FTO: variants seen among roughly 807,000 people sequenced by gnomAD.
FTO encodes the protein alpha-ketoglutarate-dependent dioxygenase FTO.
A neutral mutation model predicts 63.9 loss-of-function variants in FTO; 47 were observed. The ratio of observed to expected loss-of-function variants is 0.74; its 90% CI spans 0.58 to 0.94. The LOEUF (loss-of-function observed/expected upper bound fraction) is 0.94. Among genes scored for constraint, FTO ranks in the 40% least tolerant of loss-of-function variants. The pLI is 0.00. For missense variants in FTO, 562 were observed against 618.1 expected, an observed-to-expected ratio of 0.91 and a Z score of 0.96; for synonymous variants, 207 against 224.4, an observed-to-expected ratio of 0.92 and a Z score of 0.69.
intron 1 of FTO, among the ~76,000 whole-genome samples, chr16:53,791,373 A>G (rs545701181): frequency 7.9e-5 from 12 of 152,186 alleles, no homozygotes; most frequent in Non-Finnish European, 1.6e-4. Flanking sequence ...CTTCATCATT[A>G]TTTTAGGCTG....
In FTO at chr16:53,772,746, G is replaced by A. The variant is rs150234876; in HGVS notation, c.46-37394G>A. 2.6e-5 allele frequency among the ~76,000 whole-genome samples: 4 copies of A among 152,182 alleles called. No individual in the cohort carries two copies. The East Asian group carries it at 7.7e-4, about 29-fold the overall frequency. On this transcript the variant is annotated intron_variant, in intron 1 of 8. Transcript: ENST00000471389. ...ATGCTACATTAGAAATCATCAGCTT[G>A]GAAGCAGTCTCCATGGGAAAAGTAA...
At chr16:53,888,030 A>T (rs2081046650) in intron 6 of FTO, 1 of 152,104 alleles carries the variant, frequency 6.6e-6, no homozygotes, top group African/African-American at 2.4e-5. Flanking sequence ...ATAAAAACGT[A>T]TTCAGTTTAT....
At position 54,120,996 on chromosome 16, in the gene FTO, G is replaced by A. The variant is rs1417745386; in HGVS notation, c.*9081G>A. 6.6e-6 allele frequency: 1 copy of A among 152,502 alleles called. No individual in the cohort carries two copies. The highest frequency in any genetic ancestry group is 1.5e-5 in the Non-Finnish European group (1 of 68,054). The allele number at this position is 152,502 out of a possible 1,614,324, so 9.4% of individuals were successfully genotyped here. On this transcript the variant is annotated 3_prime_UTR_variant, in exon 9 of 9. Coordinates refer to ENST00000471389, the MANE Select transcript of FTO (RefSeq NM_001080432.3). ...AAGCAGAAACCACCGTAGTAAAATT[G>A]AAAGCTGGAGTCAGCAAAGTATAGC...
chr16:53,868,113 A>C (rs928652559), intron 4 of FTO, among the ~76,000 whole-genome samples: 3 of 152,084 alleles, frequency 2.0e-5, no homozygotes, highest in Admixed American at 2.0e-4. Flanking sequence ...TGTAGATAGC[A>C]TATGCCTTGT....
At chr16:54,092,211 A>G (rs980981584) in intron 8 of FTO, among the ~76,000 whole-genome samples, 8 of 152,228 alleles carry the variant, frequency 5.3e-5, no homozygotes, top group Non-Finnish European at 8.8e-5. Context: ...TGAGCCTGAG[A>G]GGTCAAGTCT....
intron 8 of FTO, among the ~76,000 whole-genome samples, chr16:54,087,040 A>G (rs11646512): frequency 0.51 from 78,301 of 152,056 alleles, 20,438 homozygotes; most frequent in Middle Eastern, 0.57. Context: ...CTGAGAGCCC[A>G]AGGCCTTCCC....
chr16:53,762,502 A>G (rs914823816), intron 1 of FTO, among the ~76,000 whole-genome samples: 33 of 152,160 alleles, frequency 2.2e-4, no homozygotes, highest in African/African-American at 7.7e-4. Flanking sequence ...AGACAGAAAT[A>G]GAGGCTTGAT....
chr16:53,810,343 C>A, intron 2 of FTO, 126 bp downstream of exon 2: 1 of 707,354 alleles, frequency 1.4e-6, no homozygotes, highest in East Asian at 2.7e-5. Flanking sequence ...TCACCCATGA[C>A]TTCTCATGGC....
At chr16:54,053,309 A>G (rs1237367041) in intron 8 of FTO, among the ~76,000 whole-genome samples, 2 of 152,058 alleles carry the variant, frequency 1.3e-5, no homozygotes, top group African/African-American at 4.8e-5. Flanking sequence ...GATCCTTCGT[A>G]TCTCCATGCC....
intron 8 of FTO, among the ~76,000 whole-genome samples, chr16:54,010,663 A>C (rs530297651): frequency 9.2e-5 from 14 of 152,212 alleles, no homozygotes; most frequent in Admixed American, 9.2e-4. Flanking sequence ...TAGGCGAGCA[A>C]TTTAGGACAA....
chr16:53,803,457 C>T (rs62033415), intron 1 of FTO, among the ~76,000 whole-genome samples: 7,508 of 152,280 alleles, frequency 0.049, 249 homozygotes, highest in Middle Eastern at 0.14. Context: ...TGTGGAGCTA[C>T]CAAAGCAGCC....
chr16:54,017,627 G>A (rs1218442081), intron 8 of FTO, among the ~76,000 whole-genome samples: 5 of 152,050 alleles, frequency 3.3e-5, no homozygotes, highest in South Asian at 2.1e-4. Context: ...GTGATGGCAC[G>A]TTAGCTCACC....
chr16:54,081,709 A>G (rs1396804332), intron 8 of FTO, among the ~76,000 whole-genome samples: 3 of 152,198 alleles, frequency 2.0e-5, no homozygotes, highest in Non-Finnish European at 4.4e-5. Flanking sequence ...ATTCAAAATG[A>G]ACAGCCTCAC....
chr16:53,739,235 TC>T (rs200292533), intron 1 of FTO, among the ~76,000 whole-genome samples: 8,167 of 152,060 alleles, frequency 0.054, 358 homozygotes, highest in African/African-American at 0.12. Flanking sequence ...AGACGGAGTC[TC>T]GCTCTGTCGC....
chr16:53,827,501 G>T (rs1312778213), intron 3 of FTO, among the ~76,000 whole-genome samples: 1 of 151,960 alleles, frequency 6.6e-6, no homozygotes, highest in Non-Finnish European at 1.5e-5. Context: ...TTATTTGATT[G>T]GATTTTTGTT....
chr16:53,827,790 G>C (rs896587072), intron 3 of FTO, among the ~76,000 whole-genome samples: 2 of 152,194 alleles, frequency 1.3e-5, no homozygotes, highest in Non-Finnish European at 2.9e-5. Flanking sequence ...TGGAAAGAAC[G>C]GAGATCCTCT....
chr16:53,879,741 A>T, intron 5 of FTO, 103 bp from the exon 6 acceptor site: 2 of 1,143,928 alleles, frequency 1.7e-6, no homozygotes, highest in Non-Finnish European at 2.6e-6. Flanking sequence ...ATGGGGCAAC[A>T]GGTGAATTCA....
intron 1 of FTO, among the ~76,000 whole-genome samples, chr16:53,726,380 T>G (rs1465214082): frequency 6.6e-6 from 1 of 152,218 alleles, no homozygotes; most frequent in East Asian, 1.9e-4. Flanking sequence ...GTATCCAGTT[T>G]TTTTCTGTGC....
intron 8 of FTO, among the ~76,000 whole-genome samples, chr16:54,106,727 A>G (rs928031043): frequency 5.7e-4 from 77 of 135,928 alleles, no homozygotes; most frequent in African/African-American, 1.9e-3. Context: ...TTATATAATT[A>G]TATATTAAAT....
Sources: gnomAD v4.1 joint callset for allele counts (sites outside exome capture counted in the v4.1 genomes callset) on GRCh38, gnomAD v4.1.1 for gene constraint, MANE v1.5 for transcripts, NCBI Gene and HGNC (gene_info 2026-07-23, HGNC 2026-07-21) for gene names.